The following GK variants were observed in gnomAD, a reference collection of about 807,000 sequenced individuals.
GK encodes the protein ATP:glycerol 3-phosphotransferase.
Under a neutral mutation model 56.4 loss-of-function variants are expected in GK, and 9 were observed. That is an observed-to-expected ratio of 0.16 (90% confidence interval 0.10 to 0.28). The LOEUF is 0.28. GK is among the 10% of genes least tolerant of loss of function. GK has a pLI of 1.00. For synonymous variants in GK, 104 were observed against 144.1 expected (o/e 0.72, Z 1.99); for missense variants, 161 against 431.4 (o/e 0.37, Z 5.55).
intron 16 of GK, 56 bp downstream of exon 16, chrX:30,720,151 T>C: frequency 5.6e-6 from 4 of 719,580 alleles, no homozygotes; most frequent in East Asian, 3.2e-5. Flanking sequence ...ACTCTTAAGT[T>C]ATATGTTAAC....
At chrX:30,681,399 A>G (rs1034547481) in intron 4 of GK, among the ~76,000 whole-genome samples, 43 of 112,118 alleles carry the variant, frequency 3.8e-4, no homozygotes, top group African/African-American at 1.4e-3. Flanking sequence ...AGAGAGAGTA[A>G]AATATTTAGA....
At chrX:30,685,345 G>A (rs1483203993) in intron 4 of GK, among the ~76,000 whole-genome samples, 1 of 111,473 alleles carries the variant, frequency 9.0e-6, no homozygotes, top group Non-Finnish European at 1.9e-5. Context: ...GTGTTAGCCA[G>A]GATGGTCTCG....
At chrX:30,708,295 G>A (rs1936125637) in intron 13 of GK, among the ~76,000 whole-genome samples, 161 bp downstream of exon 13, 1 of 111,365 alleles carries the variant, frequency 9.0e-6, no homozygotes, top group African/African-American at 3.3e-5. Context: ...AAACTGATCT[G>A]GGTGTCAGGA....
At position 30,653,491 on chromosome X, in the gene GK, C is replaced by A. The variant is rs1481375034; in HGVS notation, c.-47C>A. 4 of 1,126,878 alleles carry A rather than the reference C, an allele frequency of 3.5e-6. No homozygotes were observed. Among genetic ancestry groups the A allele is most frequent in the South Asian group, 3.6e-5 (2 of 55,081 alleles). 92.9% of individuals were successfully genotyped at this position (1,126,878 alleles called of 1,213,427 possible). ...CTGCCCCTCCCCCTCCCGCCGCCGT[C>A]ACCCAGGAAACCGGCCGCAATCGCC... On this transcript the variant is annotated 5_prime_UTR_variant, in exon 1 of 21. Coordinates refer to ENST00000427190, the MANE Select transcript of GK (RefSeq NM_001205019.2).
intron 1 of GK, among the ~76,000 whole-genome samples, chrX:30,658,861 A>G (rs764307267): frequency 8.9e-6 from 1 of 112,491 alleles, no homozygotes; most frequent in South Asian, 3.7e-4. Context: ...ATGTTACATG[A>G]ACCAACATTA....
chrX:30,677,824 C>CAA lies in GK; in HGVS notation c.337+384_337+385dup, dbSNP rs11400828. 6.0e-3 allele frequency among the ~76,000 whole-genome samples: 469 copies of CAA among 78,052 alleles called. 4 individuals are homozygous for CAA. Among genetic ancestry groups the CAA allele is most frequent in the African/African-American group, 0.016 (331 of 21,164 alleles). 67.8% of individuals were successfully genotyped at this position (78,052 alleles called of 115,157 possible). The stretch of plus-strand genomic sequence containing the variant: ...TGGGCAAGAGAGTGAGACTCCATCT[C>CAA]AAAAAAAAAAAAAGAAAGAAAAAAA... On this transcript the variant is annotated intron_variant, in intron 4 of 20. Coordinates refer to ENST00000427190, the MANE Select transcript of GK (RefSeq NM_001205019.2).
chrX:30,728,139 C>T (rs1937219936), intron 20 of GK, among the ~76,000 whole-genome samples: 3 of 111,564 alleles, frequency 2.7e-5, no homozygotes, highest in Admixed American at 9.6e-5. Flanking sequence ...TATTTTTCCA[C>T]ATTAATTTAT....
chrX:30,714,390 G>A (rs1284868594), intron 13 of GK, among the ~76,000 whole-genome samples: 3 of 111,605 alleles, frequency 2.7e-5, no homozygotes, highest in South Asian at 3.7e-4. Flanking sequence ...TGTCATCTGA[G>A]GTTTAATCTG....
chrX:30,668,759 C>T (rs755485073), intron 3 of GK, among the ~76,000 whole-genome samples: 1 of 111,644 alleles, frequency 9.0e-6, no homozygotes, highest in East Asian at 2.8e-4. Flanking sequence ...CAAGGGATGA[C>T]TTGCAGTTTC....
intron 14 of GK, 120 bp from the exon 15 acceptor site, chrX:30,719,299 T>C: frequency 2.0e-6 from 1 of 495,304 alleles, no homozygotes; most frequent in Non-Finnish European, 3.6e-6. Context: ...CATTTTGCTC[T>C]ACCAATGAAT....
At chrX:30,675,796 A>AT (rs1240467287) in intron 3 of GK, among the ~76,000 whole-genome samples, 25 of 104,856 alleles carry the variant, frequency 2.4e-4, no homozygotes, top group South Asian at 1.2e-3. Context: ...CACCTGGCTA[A>AT]TTTTTTTTTT....
chrX:30,666,304 G>A (rs890253744), intron 2 of GK, among the ~76,000 whole-genome samples: 2 of 112,184 alleles, frequency 1.8e-5, no homozygotes, highest in Admixed American at 1.9e-4. Context: ...TTAAAAAAGT[G>A]GACAGATACT....
intron 1 of GK, among the ~76,000 whole-genome samples, chrX:30,657,883 T>C (rs1429108400): frequency 4.9e-4 from 55 of 112,307 alleles, no homozygotes; most frequent in Non-Finnish European, 3.8e-5. Flanking sequence ...CGAATGAATC[T>C]TCACCAAGAA....
Position 30,696,023 on chromosome X carries a change from A to ATT in GK, c.553-13_553-12dup, listed in dbSNP as rs1201326745. ...TGCCAATAAGTACAAATTTAACCTG[A>ATT]TTTTTTTACTCTGCCTAGAGTTTGA... On this transcript the variant is annotated intron_variant, in intron 6 of 20. Coordinates refer to ENST00000427190, the MANE Select transcript of GK (RefSeq NM_001205019.2). 1.1e-6 allele frequency: 1 copy of ATT among 898,744 alleles called. No homozygotes were observed. Among genetic ancestry groups the ATT allele is most frequent in the Admixed American group, 2.2e-5 (1 of 45,485 alleles). 74.1% of individuals were successfully genotyped at this position (898,744 alleles called of 1,213,427 possible).
intron 3 of GK, chrX:30,674,337 G>A (rs1007059496): frequency 6.1e-6 from 2 of 328,734 alleles, no homozygotes; most frequent in Non-Finnish European, 1.2e-5. Flanking sequence ...GAAAGTTGAG[G>A]GTCTGCGGCC....
At chrX:30,711,505 A>G (rs1378000758) in intron 13 of GK, among the ~76,000 whole-genome samples, 1 of 111,512 alleles carries the variant, frequency 9.0e-6, no homozygotes, top group Non-Finnish European at 1.9e-5. Context: ...ATCTCTTCAA[A>G]TATTGCTCCT....
chrX:30,730,818 A>G lies in GK; in HGVS notation c.*2076A>G, dbSNP rs1211101418. On this transcript the variant is annotated 3_prime_UTR_variant, in exon 21 of 21. Coordinates refer to ENST00000427190, the MANE Select transcript of GK (RefSeq NM_001205019.2). ...AAAAAAAAAAAAGATGTTTCAGGAC[A>G]TGTGAAACTTGGCTGTTAGCGCTTG... 9.0e-6 allele frequency: 1 copy of G among 111,405 alleles called. No homozygotes were observed. The highest frequency in any genetic ancestry group is 3.3e-5 in the African/African-American group (1 of 30,705). The allele number at this position is 111,405 out of a possible 1,213,427, so 9.2% of individuals were successfully genotyped here. A position where few individuals can be genotyped will look rare whatever the true frequency, so the allele number is the denominator to read the frequency against.
chrX:30,673,646 G>A (rs1410711104), intron 3 of GK, among the ~76,000 whole-genome samples: 1 of 111,666 alleles, frequency 9.0e-6, no homozygotes, highest in Non-Finnish European at 1.9e-5. Flanking sequence ...ATTTTACTTG[G>A]CATGAAGGAA....
intron 3 of GK, 82 bp downstream of exon 3, chrX:30,668,200 G>A (rs1439550465): frequency 1.7e-6 from 1 of 593,419 alleles, no homozygotes; most frequent in African/African-American, 2.2e-5. Flanking sequence ...TTATAATTGA[G>A]TGCCTATGCA....
Sources: gnomAD v4.1 joint callset for allele counts (sites outside exome capture counted in the v4.1 genomes callset) on GRCh38, gnomAD v4.1.1 for gene constraint, MANE v1.5 for transcripts, NCBI Gene and HGNC (gene_info 2026-07-23, HGNC 2026-07-21) for gene names.